Variants in TNC observed in about 807,000 individuals in gnomAD.
TNC encodes the protein tenascin C, also known as tenascin.
In TNC, 109 loss-of-function variants were observed where a neutral mutation model predicts 202.4. The ratio of observed to expected loss-of-function variants is 0.54; its 90% CI spans 0.46 to 0.63. TNC has a LOEUF of 0.63. Among genes scored for constraint, TNC ranks in the 30% least tolerant of loss-of-function variants. The pLI is 0.00. For synonymous variants in TNC, 1,007 were observed against 1,089.7 expected, an observed-to-expected ratio of 0.92 and a Z score of 1.50; for missense variants, 2,756 against 2,833.3, an observed-to-expected ratio of 0.97 and a Z score of 0.62.
chr9:115,109,680 A>G (rs1271522699), intron 1 of TNC, among the ~76,000 whole-genome samples: 2 of 152,200 alleles, frequency 1.3e-5, no homozygotes, highest in Non-Finnish European at 2.9e-5. Flanking sequence ...TCCAAATCCA[A>G]AGCAATTTGT....
intron 27 of TNC, among the ~76,000 whole-genome samples, chr9:115,022,649 A>G (rs999475334): frequency 6.6e-6 from 1 of 152,178 alleles, no homozygotes; most frequent in Non-Finnish European, 1.5e-5. Flanking sequence ...TGATAAAATA[A>G]TGCTCAGAAT....
chr9:115,026,855 G>A (rs927477494), intron 25 of TNC, among the ~76,000 whole-genome samples, 160 bp from the exon 26 acceptor site: 1 of 150,450 alleles, frequency 6.6e-6, no homozygotes, highest in South Asian at 2.1e-4. Flanking sequence ...CAGAGATGGG[G>A]TGGGAGGGGG....
At chr9:115,076,981 C>T (rs957870163) in intron 7 of TNC, among the ~76,000 whole-genome samples, 1 of 151,734 alleles carries the variant, frequency 6.6e-6, no homozygotes, top group Non-Finnish European at 1.5e-5. Flanking sequence ...CACTGCAACC[C>T]CTGCTTCCCA....
chr9:115,078,764 C>A (rs777321871), intron 6 of TNC, among the ~76,000 whole-genome samples: 5 of 152,178 alleles, frequency 3.3e-5, no homozygotes, highest in Non-Finnish European at 5.9e-5. Flanking sequence ...TCAAGCCTTG[C>A]CTGTTTTTGC....
At chr9:115,049,616 G>A (rs763296615) in intron 15 of TNC, among the ~76,000 whole-genome samples, 6 of 151,610 alleles carry the variant, frequency 4.0e-5, no homozygotes, top group South Asian at 2.1e-4. Context: ...AAGGTTCAGC[G>A]TCTCTTTTCT....
Position 115,063,839 on chromosome 9 carries a change from A to T in TNC, c.3717T>A (p.Thr1239=). 2 of 1,614,164 alleles carry T rather than the reference A, an allele frequency of 1.2e-6. No individual in the cohort carries two copies. Among genetic ancestry groups the T allele is most frequent in the Non-Finnish European group, 1.7e-6 (2 of 1,180,006 alleles). Residue 1239 remains threonine, a synonymous_variant, in exon 12 of 28, where the codon ACT becomes ACA. Transcript: ENST00000350763. ...AGAGAGGGGTTGTGCTGAAGTCCTGAGTGACCCCGCGGATGGTGATGGTAT... is the reference window on the plus strand; with the variant it reads ...AGAGAGGGGTTGTGCTGAAGTCCTGTGTGACCCCGCGGATGGTGATGGTAT... The part of the protein sequence containing the change: ...THYTITIRGV[T]QDFSTTPLSV...
rs1367300613 is a variant in TNC, at chr9:115,086,361, T to A, written c.1370A>T (p.Glu457Val). 1 of 1,614,116 alleles carries A rather than the reference T, an allele frequency of 6.2e-7. No individual in the cohort carries two copies. The highest frequency in any genetic ancestry group is 1.3e-5 in the African/African-American group (1 of 75,044). ...GCAGTCATAGCCCTTGAAGCCTTGC[T>A]CACATACACATTTGCCCTCGACACA... ...GRCVEGKCVCEQGFKGYDCSD... is the reference protein window; with the variant it reads ...GRCVEGKCVCVQGFKGYDCSD... The change falls in exon 3 of 28, where the codon GAG (glutamate) becomes GTG (valine). Residue 457 changes from glutamate (E) to valine (V), a missense_variant. Glu to Val is a moderately radical substitution (Grantham distance 121). Around this residue, in one of 2 missense-constraint regions of TNC, gnomAD observed 2,559 missense variants for 2,546.0 expected, o/e 1.01. Coordinates refer to ENST00000350763, the MANE Select transcript of TNC (RefSeq NM_002160.4).
intron 1 of TNC, among the ~76,000 whole-genome samples, chr9:115,103,275 A>G (rs891998056): frequency 6.6e-6 from 1 of 152,206 alleles, no homozygotes; most frequent in East Asian, 1.9e-4. Flanking sequence ...CAGGCCTAAG[A>G]TGCACTCAGC....
chr9:115,035,834 A>C, intron 21 of TNC: 1 of 426,244 alleles, frequency 2.3e-6, no homozygotes. Flanking sequence ...GCCAGTGGGA[A>C]CTGTTTTTCC....
intron 10 of TNC, among the ~76,000 whole-genome samples, chr9:115,068,561 C>A (rs184934212): frequency 2.0e-5 from 3 of 152,178 alleles, no homozygotes; most frequent in Non-Finnish European, 4.4e-5. Context: ...AGAGATAAGA[C>A]AATTGAAATG....
intron 15 of TNC, 104 bp downstream of exon 15, chr9:115,057,049 G>A: frequency 7.2e-7 from 1 of 1,379,754 alleles, no homozygotes; most frequent in South Asian, 1.4e-5. Flanking sequence ...GGAAGAGTTA[G>A]TGCCCTGTGG....
intron 22 of TNC, among the ~76,000 whole-genome samples, chr9:115,033,271 A>T (rs933415321): frequency 6.6e-6 from 1 of 152,162 alleles, no homozygotes; most frequent in Non-Finnish European, 1.5e-5. Flanking sequence ...CAGAAAAGTA[A>T]ACTGGGATGA....
chr9:115,076,011 G>C (rs779726314), intron 9 of TNC, 21 bp downstream of exon 9: 2 of 1,608,474 alleles, frequency 1.2e-6, no homozygotes, highest in Non-Finnish European at 1.7e-6. Flanking sequence ...CAGTGGGATG[G>C]GAATTCCAGG....
At chr9:115,095,820 T>C (rs1170976621) in intron 1 of TNC, among the ~76,000 whole-genome samples, 1 of 150,160 alleles carries the variant, frequency 6.7e-6, no homozygotes, top group Non-Finnish European at 1.5e-5. Context: ...GATAATATAT[T>C]ATTACATATC....
At chr9:115,098,029 T>C (rs1240200836) in intron 1 of TNC, among the ~76,000 whole-genome samples, 5 of 152,138 alleles carry the variant, frequency 3.3e-5, no homozygotes, top group Non-Finnish European at 7.4e-5. Flanking sequence ...ATTCTCCAAA[T>C]ACCTGGTACA....
intron 10 of TNC, 86 bp downstream of exon 10, chr9:115,073,517 T>A: frequency 6.6e-7 from 1 of 1,509,228 alleles, no homozygotes; most frequent in South Asian, 1.3e-5. Flanking sequence ...TGCATTTGGC[T>A]TTCTCATGTG....
chr9:115,063,162 G>A lies in TNC; in HGVS notation c.3788C>T (p.Thr1263Ile). The change falls in exon 13 of 28, where the codon ACA becomes ATA. Residue 1263 changes from threonine (T) to isoleucine (I), a missense_variant. Thr to Ile is a moderately conservative substitution (Grantham distance 89, BLOSUM62 -1). Coordinates refer to ENST00000350763, the MANE Select transcript of TNC (RefSeq NM_002160.4). ...AGCATCCCAGCTAACCTCGGTCACTGTGAGGTTTCCCATATCTGGAACCTC... is the reference window on the plus strand; with the variant it reads ...AGCATCCCAGCTAACCTCGGTCACTATGAGGTTTCCCATATCTGGAACCTC... ...TEEVPDMGNL[T>I]VTEVSWDALR... The A allele has an allele frequency of 6.2e-7, 1 of 1,614,146 alleles. No homozygotes were observed. The highest frequency in any genetic ancestry group is 8.5e-7 in the Non-Finnish European group (1 of 1,180,010).
In TNC at chr9:115,090,959, G is replaced by C; in HGVS notation, c.60C>G (p.Thr20=). The part of the protein sequence containing the change: ...GVFLAFLALA[T]EGGVLKKVIR... The stretch of plus-strand genomic sequence containing the variant: ...TGACTTTCTTGAGGACCCCACCTTC[G>C]GTAGCGAGGGCAAGGAAAGCAAGAA... The change falls in exon 2 of 28, where the codon ACC becomes ACG. Residue 20 remains threonine, a synonymous_variant. Transcript: ENST00000350763. 6.2e-7 allele frequency: 1 copy of C among 1,613,990 alleles called. No individual in the cohort carries two copies. The highest frequency in any genetic ancestry group is 8.5e-7 in the Non-Finnish European group (1 of 1,180,024).
intron 21 of TNC, 91 bp from the exon 22 acceptor site, chr9:115,035,425 C>G (rs939716306): frequency 1.5e-6 from 2 of 1,370,168 alleles, no homozygotes; most frequent in African/African-American, 2.9e-5. Context: ...GGTTCAAGTC[C>G]TTTCCCTACC....
Sources: allele counts gnomAD v4.1 joint callset (sites outside exome capture counted in the v4.1 genomes callset), GRCh38; gene constraint gnomAD v4.1.1; regional missense constraint gnomAD v4.1.1; transcripts MANE v1.5; gene names NCBI Gene and HGNC (gene_info 2026-07-23, HGNC 2026-07-21).